The following ADD3 variants were observed in gnomAD, a reference collection of about 807,000 sequenced individuals.
ADD3 encodes adducin 3, also known as gamma-adducin.
Under a neutral mutation model 80.2 loss-of-function variants are expected in ADD3, and 25 were observed. The ratio of observed to expected loss-of-function variants is 0.31; its 90% CI spans 0.23 to 0.44. The LOEUF is 0.44. Ranked by LOEUF, ADD3 falls within the 20% of genes least tolerant of loss-of-function variation. The pLI is 1.00. For synonymous variants in ADD3, 284 were observed against 289.6 expected (o/e 0.98, Z 0.20); for missense variants, 829 against 847.5 (o/e 0.98, Z 0.27).
rs1370458474 is a variant in ADD3, at chr10:110,118,589, G to T, written c.570G>T (p.Val190=). Residue 190 remains valine (V), a splice_region_variant and synonymous_variant, in exon 6 of 15, where the codon GTG becomes GTT. Coordinates refer to ENST00000356080, the MANE Select transcript of ADD3 (RefSeq NM_016824.5). ...TATGTCCTTCTGATTTTTTCCAGGT[G>T]AAAGTCAATATAATAGGAGAAGTGG... ...SFSEATASNL[V]KVNIIGEVVD... The T allele has an allele frequency of 9.9e-6, 16 of 1,613,558 alleles. No homozygotes were observed. Among genetic ancestry groups the T allele is most frequent in the Non-Finnish European group, 1.4e-5 (16 of 1,179,662 alleles).
At chr10:110,084,720 T>C (rs1247876604) in intron 1 of ADD3, among the ~76,000 whole-genome samples, 1 of 152,224 alleles carries the variant, frequency 6.6e-6, no homozygotes, top group African/African-American at 2.4e-5. Context: ...CTTTTGGCTC[T>C]CATTAGGTAA....
Position 110,124,184 on chromosome 10 carries a change from A to C in ADD3, c.1311A>C (p.Thr437=). 1 of 1,614,220 alleles carries C rather than the reference A, an allele frequency of 6.2e-7. No individual in the cohort carries two copies. Among genetic ancestry groups the C allele is most frequent in the Non-Finnish European group, 8.5e-7 (1 of 1,180,030 alleles). ...CACAGAGGCAACAGCGTGAAAAAAC[A>C]AGATGGCTGAACTCACCAAATACTT... ...YMAQRQQREK[T]RWLNSPNTYM... is the part of the protein sequence containing the mutation. The change falls in exon 10 of 15, where the codon ACA becomes ACC. Residue 437 remains threonine (T), a synonymous_variant. Transcript: ENST00000356080.
At chr10:110,030,442 CTG>C (rs1378807172) in intron 1 of ADD3, among the ~76,000 whole-genome samples, 5 of 151,410 alleles carry the variant, frequency 3.3e-5, no homozygotes, top group African/African-American at 9.7e-5. Flanking sequence ...GACAAACTGA[CTG>C]TGAGCTTTTA....
chr10:110,106,963 G>GT, intron 2 of ADD3, among the ~76,000 whole-genome samples: 1 of 152,220 alleles, frequency 6.6e-6, no homozygotes, highest in East Asian at 1.9e-4. Flanking sequence ...TGATAAGACT[G>GT]TTTTCTAGCT....
At chr10:110,086,564 C>G (rs111997192) in intron 1 of ADD3, among the ~76,000 whole-genome samples, 12,208 of 152,198 alleles carry the variant, frequency 0.08, 1,586 homozygotes, top group African/African-American at 0.28. Flanking sequence ...TACCATCCCC[C>G]TAGTGCTATC....
At position 110,133,637 on chromosome 10, in the gene ADD3, T is replaced by C; in HGVS notation, c.*19T>C. 1 of 1,509,692 alleles carries C rather than the reference T, an allele frequency of 6.6e-7. No homozygotes were observed. The highest frequency in any genetic ancestry group is 2.3e-5 in the East Asian group (1 of 44,170). The allele number at this position is 1,509,692 out of a possible 1,614,324, so 93.5% of individuals were successfully genotyped here. Reference sequence around the variant, plus strand: ...GGCCTAAATAAAGTCTTTTTATAATTATTATTATAACAATGTGACATTGCA... The same window carrying C: ...GGCCTAAATAAAGTCTTTTTATAATCATTATTATAACAATGTGACATTGCA... On this transcript the variant is annotated 3_prime_UTR_variant, in exon 15 of 15. Coordinates refer to ENST00000356080, the MANE Select transcript of ADD3 (RefSeq NM_016824.5).
chr10:110,051,272 A>G (rs1857486194), intron 1 of ADD3, among the ~76,000 whole-genome samples: 1 of 152,232 alleles, frequency 6.6e-6, no homozygotes, highest in African/African-American at 2.4e-5. Context: ...GACACCAAAA[A>G]ACAGGCAACA....
At chr10:110,117,062 A>T (rs1350321023) in intron 4 of ADD3, among the ~76,000 whole-genome samples, 1 of 152,264 alleles carries the variant, frequency 6.6e-6, no homozygotes, top group East Asian at 1.9e-4. Flanking sequence ...TAATATTAGC[A>T]TTTATTTTTC....
At chr10:110,028,411 A>G (rs1854568122) in intron 1 of ADD3, among the ~76,000 whole-genome samples, 2 of 151,416 alleles carry the variant, frequency 1.3e-5, no homozygotes, top group South Asian at 4.2e-4. Flanking sequence ...TAAAAATACA[A>G]AAATTAGCTG....
intron 1 of ADD3, among the ~76,000 whole-genome samples, chr10:110,087,942 A>C (rs1002366826): frequency 6.6e-6 from 1 of 152,102 alleles, no homozygotes; most frequent in Non-Finnish European, 1.5e-5. Flanking sequence ...TGAGGGAAAA[A>C]TCTATTCCAT....
chr10:110,062,586 T>G (rs746782051), intron 1 of ADD3, among the ~76,000 whole-genome samples: 6 of 152,060 alleles, frequency 3.9e-5, no homozygotes, highest in Non-Finnish European at 7.4e-5. Flanking sequence ...TCTCAAAAAT[T>G]AAATAAAATT....
intron 1 of ADD3, among the ~76,000 whole-genome samples, chr10:110,050,663 C>T (rs1199562356): frequency 4.6e-5 from 7 of 152,058 alleles, no homozygotes; most frequent in East Asian, 1.9e-4. Flanking sequence ...CAGGTGTGCA[C>T]GACCACACCA....
upstream of ADD3, among the ~76,000 whole-genome samples, chr10:110,001,818 A>T (rs1392573040): frequency 3.3e-5 from 5 of 152,198 alleles, no homozygotes; most frequent in Non-Finnish European, 5.9e-5. Flanking sequence ...ACTTTCTAGA[A>T]ATACTGTCAT....
chr10:110,075,926 G>C (rs1255154143), intron 1 of ADD3, among the ~76,000 whole-genome samples: 1 of 152,158 alleles, frequency 6.6e-6, no homozygotes, highest in Non-Finnish European at 1.5e-5. Flanking sequence ...TCCTGAGAGA[G>C]GATGTTCTAG....
intron 1 of ADD3, among the ~76,000 whole-genome samples, chr10:110,037,604 CAA>C (rs998064830): frequency 1.8e-4 from 9 of 51,118 alleles, no homozygotes; most frequent in Non-Finnish European, 1.7e-4. Context: ...GACTCAGTCT[CAA>C]AAAAAAAAAA....
rs760132854 is a variant in ADD3 at position 110,133,566 on chromosome 10, G to A, written c.2069G>A (p.Arg690His). Residue 690 changes from arginine to histidine, a missense_variant, in exon 15 of 15, where the codon CGC becomes CAC. Coordinates refer to ENST00000356080, the MANE Select transcript of ADD3 (RefSeq NM_016824.5). Reference protein sequence around the residue: ...KSPSKKKKKFRTPSFLKKNKK... With the variant: ...KSPSKKKKKFHTPSFLKKNKK... ...CCATCCAAGAAAAAGAAGAAATTCC[G>A]CACTCCTTCTTTTCTGAAAAAGAAC... The A allele has an allele frequency of 1.0e-5, 16 of 1,607,236 alleles. No homozygotes were observed. In the Admixed American group the frequency reaches 2.0e-4, roughly 20 times the overall value.
intron 2 of ADD3, among the ~76,000 whole-genome samples, chr10:110,105,600 C>A (rs1272462537): frequency 2.0e-5 from 3 of 152,156 alleles, no homozygotes; most frequent in African/African-American, 7.2e-5. Flanking sequence ...CTGGTTGACA[C>A]AAATGTGCAG....
At chr10:110,114,435 G>A (rs1228204871) in intron 3 of ADD3, among the ~76,000 whole-genome samples, 1 of 152,146 alleles carries the variant, frequency 6.6e-6, no homozygotes, top group African/African-American at 2.4e-5. Flanking sequence ...AAAACTCAAT[G>A]GCTTTATGCA....
chr10:110,048,241 G>A (rs1191317640), intron 1 of ADD3, among the ~76,000 whole-genome samples: 3 of 152,130 alleles, frequency 2.0e-5, no homozygotes, highest in Non-Finnish European at 4.4e-5. Flanking sequence ...CCCCAGCCAC[G>A]TGGAACTGTG....
Sources: gnomAD v4.1 joint callset for allele counts (sites outside exome capture counted in the v4.1 genomes callset) on GRCh38, gnomAD v4.1.1 for gene constraint, MANE v1.5 for transcripts, NCBI Gene and HGNC (gene_info 2026-07-23, HGNC 2026-07-21) for gene names.